Variants in PKN2 observed in about 807,000 individuals in gnomAD.
The protein encoded by PKN2 is serine/threonine-protein kinase N2.
PKN2 carries 38 observed loss-of-function variants against 119.1 expected under a neutral mutation model. The observed-to-expected ratio is 0.32, with a 90% confidence interval of 0.25 to 0.42. The LOEUF (loss-of-function observed/expected upper bound fraction) is 0.42, where lower values mean the gene tolerates loss of function less well. Ranked by LOEUF, PKN2 falls within the 10% of genes least tolerant of loss-of-function variation. The probability of loss-of-function intolerance (pLI) is 1.00; values close to 1 mark genes in which losing one functional copy is unlikely to be tolerated. For missense variants in PKN2, 850 were observed against 1,165.1 expected, an observed-to-expected ratio of 0.73 and a Z score of 3.94; for synonymous variants, 390 against 384.9, an observed-to-expected ratio of 1.01 and a Z score of -0.15.
At chr1:88,724,882 G>GTTTTTTTTTTTT (rs60507382) in intron 1 of PKN2, among the ~76,000 whole-genome samples, 3 of 106,012 alleles carry the variant, frequency 2.8e-5, no homozygotes, top group African/African-American at 1.3e-4. Flanking sequence ...CCACCCCTTG[G>GTTTTTTTTTTTT]TTTTTTTTTT....
intron 1 of PKN2, among the ~76,000 whole-genome samples, chr1:88,699,282 C>A (rs138169303): frequency 6.6e-6 from 1 of 152,214 alleles, no homozygotes; most frequent in East Asian, 1.9e-4. Context: ...TCACTAACTT[C>A]AGATGTATAT....
chr1:88,697,060 T>C (rs939450543), intron 1 of PKN2, among the ~76,000 whole-genome samples: 1 of 152,170 alleles, frequency 6.6e-6, no homozygotes, highest in African/African-American at 2.4e-5. Context: ...TATATTTATA[T>C]CTAATAAAAG....
At chr1:88,764,937 GT>G (rs1404527305) in intron 3 of PKN2, among the ~76,000 whole-genome samples, 1 of 151,744 alleles carries the variant, frequency 6.6e-6, no homozygotes, top group Non-Finnish European at 1.5e-5. Context: ...GTTTTGTTTT[GT>G]TTTTGAGACA....
intron 1 of PKN2, among the ~76,000 whole-genome samples, chr1:88,692,431 G>A (rs559147463): frequency 1.3e-5 from 2 of 152,258 alleles, no homozygotes; most frequent in South Asian, 2.1e-4. Flanking sequence ...CAACTTAAGA[G>A]ATGATGCAGA....
chr1:88,816,459 C>G (rs890885755), intron 16 of PKN2, among the ~76,000 whole-genome samples: 1 of 151,966 alleles, frequency 6.6e-6, no homozygotes, highest in Non-Finnish European at 1.5e-5. Context: ...ATTGGCCAGG[C>G]TGGTCTCAAA....
In PKN2 at chr1:88,794,378, A is replaced by AG. The variant is rs1033104581; in HGVS notation, c.1281+8165_1281+8166insG. ...GCGAAATTCTGTCTCAAAAAAAAAA[A>AG]AAAAAAATCAATATGCCAGCCTTTC... is the stretch of plus-strand genomic sequence containing the variant. On this transcript the variant is annotated intron_variant, in intron 8 of 21. Transcript: ENST00000370521. Among the ~76,000 whole-genome samples the AG allele has an allele frequency of 2.0e-5, 3 of 152,032 alleles. No individual in the cohort carries two copies. The East Asian group carries it at 5.8e-4, about 29-fold the overall frequency.
intron 1 of PKN2, among the ~76,000 whole-genome samples, chr1:88,732,289 C>A (rs1668171523): frequency 6.6e-6 from 1 of 151,814 alleles, no homozygotes; most frequent in Non-Finnish European, 1.5e-5. Context: ...ATTTTATTGT[C>A]AAAAAAATAG....
chr1:88,826,475 G>A (rs563090315), intron 18 of PKN2, among the ~76,000 whole-genome samples: 5 of 151,824 alleles, frequency 3.3e-5, no homozygotes, highest in Non-Finnish European at 5.9e-5. Context: ...GTGCAATTTT[G>A]TTACATGCAT....
intron 2 of PKN2, among the ~76,000 whole-genome samples, chr1:88,750,665 A>T (rs951600817): frequency 6.6e-6 from 1 of 152,042 alleles, no homozygotes; most frequent in Non-Finnish European, 1.5e-5. Flanking sequence ...GCCTCTTATC[A>T]TGTCTAAAAT....
At chr1:88,778,445 G>A (rs66957503) in intron 6 of PKN2, among the ~76,000 whole-genome samples, 8,659 of 152,242 alleles carry the variant, frequency 0.057, 476 homozygotes, top group African/African-American at 0.14. Context: ...TCAACCATAG[G>A]TTAGAGCTTA....
At chr1:88,773,185 A>G (rs891907620) in intron 6 of PKN2, among the ~76,000 whole-genome samples, 2 of 150,406 alleles carry the variant, frequency 1.3e-5, no homozygotes, top group South Asian at 2.1e-4. Flanking sequence ...TTTAGATTAT[A>G]TATTATTGTA....
chr1:88,777,363 T>C (rs1670149680), intron 6 of PKN2, among the ~76,000 whole-genome samples: 1 of 152,206 alleles, frequency 6.6e-6, no homozygotes, highest in Non-Finnish European at 1.5e-5. Context: ...AGCATCTTAA[T>C]TTAGTAAGTC....
intron 1 of PKN2, among the ~76,000 whole-genome samples, chr1:88,727,187 C>A (rs904341921): frequency 7.5e-6 from 1 of 133,818 alleles, no homozygotes; most frequent in African/African-American, 2.8e-5. Context: ...TTTTTTTTTT[C>A]ATTTTCTTTT....
chr1:88,753,323 G>T, intron 2 of PKN2, among the ~76,000 whole-genome samples: 1 of 152,106 alleles, frequency 6.6e-6, no homozygotes. Flanking sequence ...CTACCAATTA[G>T]AATCACTTTT....
rs530071947 is a variant in PKN2, at chr1:88,800,501, G to A, written c.1282-3890G>A. 4.6e-5 allele frequency among the ~76,000 whole-genome samples: 7 copies of A among 152,210 alleles called. No individual in the cohort carries two copies. In the South Asian group the frequency reaches 1.5e-3, roughly 32 times the overall value. Reference sequence around the variant, plus strand: ...ATTGTTGAAAACCCACCTTAGCAAAGATGGGTTTATGACATCACCAGAAGG... The same window carrying A: ...ATTGTTGAAAACCCACCTTAGCAAAAATGGGTTTATGACATCACCAGAAGG... On this transcript the variant is annotated intron_variant, in intron 8 of 21. Transcript: ENST00000370521.
chr1:88,742,377 C>T (rs577795520), intron 2 of PKN2, among the ~76,000 whole-genome samples: 252 of 152,162 alleles, frequency 1.7e-3, no homozygotes, highest in Non-Finnish European at 2.8e-3. Flanking sequence ...ACTTGTTTTT[C>T]GACATCACTT....
intron 2 of PKN2, among the ~76,000 whole-genome samples, chr1:88,741,751 G>C (rs1044674533): frequency 6.6e-6 from 1 of 151,920 alleles, no homozygotes; most frequent in Non-Finnish European, 1.5e-5. Flanking sequence ...GAATTAACAA[G>C]TAAACTACTA....
intron 1 of PKN2, among the ~76,000 whole-genome samples, chr1:88,690,251 A>G (rs1666277044): frequency 6.6e-6 from 1 of 152,198 alleles, no homozygotes; most frequent in South Asian, 2.1e-4. Flanking sequence ...GAATTTGGCA[A>G]TGGTAAATTT....
chr1:88,714,009 G>T, intron 1 of PKN2, among the ~76,000 whole-genome samples: 2 of 152,298 alleles, frequency 1.3e-5, no homozygotes, highest in East Asian at 3.9e-4. Flanking sequence ...TGGCTAGCCA[G>T]TTTTCCCAGC....
Sources: allele counts gnomAD v4.1 joint callset (sites outside exome capture counted in the v4.1 genomes callset), GRCh38; gene constraint gnomAD v4.1.1; transcripts MANE v1.5; gene names NCBI Gene and HGNC (gene_info 2026-07-23, HGNC 2026-07-21).